The following LRRC8B variants were observed in gnomAD, a reference collection of about 807,000 sequenced individuals.
LRRC8B encodes leucine rich repeat containing 8 VRAC subunit B.
LRRC8B carries 23 observed loss-of-function variants against 58.8 expected under a neutral mutation model. That is an observed-to-expected ratio of 0.39 (90% CI 0.28 to 0.55). LRRC8B has a LOEUF of 0.55. Ranked by LOEUF, LRRC8B falls within the 20% of genes least tolerant of loss-of-function variation. LRRC8B has a pLI of 0.62. For synonymous variants in LRRC8B, 359 were observed against 374.1 expected (o/e 0.96, Z 0.47); for missense variants, 694 against 936.0 (o/e 0.74, Z 3.37).
At position 89,594,527 on chromosome 1, in the gene LRRC8B, T is replaced by C. The variant is rs186973271; in HGVS notation, c.*1484T>C. On this transcript the variant is annotated 3_prime_UTR_variant, in exon 6 of 6. Coordinates refer to ENST00000330947, the MANE Select transcript of LRRC8B (RefSeq NM_001369817.2). ...AAGAGTTAAAGCAAAAGACTTTTTTTCCCTCCATCTATGTAATCTCTAGCT... is the reference window on the plus strand; with the variant it reads ...AAGAGTTAAAGCAAAAGACTTTTTTCCCCTCCATCTATGTAATCTCTAGCT... 1.2e-3 allele frequency: 188 copies of C among 152,278 alleles called. No homozygotes were observed. The highest frequency in any genetic ancestry group is 4.1e-3 in the African/African-American group (170 of 41,564). The allele number at this position is 152,278 out of a possible 1,614,324, so 9.4% of individuals were successfully genotyped here. A position where few individuals can be genotyped will look rare whatever the true frequency, so the allele number is the denominator to read the frequency against.
At chr1:89,566,913 C>G (rs1454048180) in intron 1 of LRRC8B, among the ~76,000 whole-genome samples, 1 of 152,194 alleles carries the variant, frequency 6.6e-6, no homozygotes, top group East Asian at 1.9e-4. Context: ...CTCAGTGTTA[C>G]ACTTATCTCC....
At chr1:89,585,661 T>C (rs1036861353) in intron 5 of LRRC8B, among the ~76,000 whole-genome samples, 4 of 151,996 alleles carry the variant, frequency 2.6e-5, no homozygotes, top group Admixed American at 1.3e-4. Flanking sequence ...ATCCAAAAAT[T>C]AGCTGCGCGT....
intron 1 of LRRC8B, among the ~76,000 whole-genome samples, chr1:89,528,533 T>C (rs1342864932): frequency 1.3e-5 from 2 of 152,260 alleles, no homozygotes; most frequent in African/African-American, 4.8e-5. Context: ...TTCTGAACTC[T>C]GTGCCATCAC....
At chr1:89,536,901 C>A (rs1650578969) in intron 1 of LRRC8B, among the ~76,000 whole-genome samples, 1 of 152,100 alleles carries the variant, frequency 6.6e-6, no homozygotes, top group Non-Finnish European at 1.5e-5. Context: ...TATAGATATA[C>A]TTGAAGGTCT....
At chr1:89,532,721 T>C (rs1650231073) in intron 1 of LRRC8B, among the ~76,000 whole-genome samples, 1 of 152,230 alleles carries the variant, frequency 6.6e-6, no homozygotes, top group Non-Finnish European at 1.5e-5. Context: ...CTTGAGTATG[T>C]CTTCATTAGT....
intron 1 of LRRC8B, among the ~76,000 whole-genome samples, chr1:89,559,837 G>C (rs1351442739): frequency 2.0e-5 from 3 of 152,016 alleles, no homozygotes; most frequent in Non-Finnish European, 4.4e-5. Flanking sequence ...CCAATTTTTA[G>C]TCGCTTTTTC....
intron 3 of LRRC8B, among the ~76,000 whole-genome samples, chr1:89,569,148 C>T (rs1653246382): frequency 6.6e-6 from 1 of 152,140 alleles, no homozygotes; most frequent in Admixed American, 6.6e-5. Context: ...CAGCTCTGAA[C>T]ATATAGTCTA....
At chr1:89,564,637 T>A (rs940907050) in intron 1 of LRRC8B, among the ~76,000 whole-genome samples, 4 of 152,198 alleles carry the variant, frequency 2.6e-5, no homozygotes, top group African/African-American at 9.6e-5. Flanking sequence ...TTATTGAGAC[T>A]GTTAGTGTCA....
At chr1:89,545,686 C>T (rs1323154924) in intron 1 of LRRC8B, among the ~76,000 whole-genome samples, 1 of 152,158 alleles carries the variant, frequency 6.6e-6, no homozygotes, top group Non-Finnish European at 1.5e-5. Context: ...GAGAGGTTTC[C>T]TGCTTTCAAG....
In LRRC8B at chr1:89,584,157, C is replaced by A; in HGVS notation, c.1507C>A (p.Pro503Thr). ...RLKFTEMGKIPRWVFHLKNLK... is the reference protein window; with the variant it reads ...RLKFTEMGKITRWVFHLKNLK... ...GAAATTTACTGAAATGGGAAAAATC[C>A]CACGCTGGGTATTTCACCTCAAGAA... The change falls in exon 5 of 6, where the codon CCA becomes ACA. Residue 503 changes from proline to threonine, a missense_variant. This residue lies in a region of LRRC8B where 162 missense variants were observed against 198.5 expected (regional missense o/e 0.82). Transcript: ENST00000330947. 2 of 1,612,220 alleles carry A rather than the reference C, an allele frequency of 1.2e-6. No individual in the cohort carries two copies. The highest frequency in any genetic ancestry group is 1.7e-6 in the Non-Finnish European group (2 of 1,179,998).
chr1:89,526,289 A>G (rs1485333003), intron 1 of LRRC8B, among the ~76,000 whole-genome samples: 1 of 152,178 alleles, frequency 6.6e-6, no homozygotes, highest in Admixed American at 6.5e-5. Flanking sequence ...ATCTCGGCTC[A>G]CTGCAACCTC....
intron 1 of LRRC8B, among the ~76,000 whole-genome samples, chr1:89,554,797 G>C (rs1194778673): frequency 6.6e-6 from 1 of 152,144 alleles, no homozygotes; most frequent in Non-Finnish European, 1.5e-5. Flanking sequence ...GCATGGATGA[G>C]AGAGAAAAGA....
chr1:89,542,701 G>C (rs1292386578), intron 1 of LRRC8B, among the ~76,000 whole-genome samples: 1 of 152,190 alleles, frequency 6.6e-6, no homozygotes, highest in African/African-American at 2.4e-5. Context: ...ATCTGTAGTG[G>C]AGAAAATCTC....
intron 1 of LRRC8B, among the ~76,000 whole-genome samples, chr1:89,562,181 A>ACACACACACACACACACC (rs1553157003): frequency 1.3e-4 from 19 of 149,814 alleles, no homozygotes; most frequent in Admixed American, 8.7e-4. Flanking sequence ...ACACACACAC[A>ACACACACACACACACACC]CCCTCTGCAT....
chr1:89,573,225 G>A (rs998057819), intron 3 of LRRC8B, among the ~76,000 whole-genome samples: 4 of 151,814 alleles, frequency 2.6e-5, no homozygotes, highest in Non-Finnish European at 5.9e-5. Context: ...GTGTGAACCT[G>A]GGAGGCGGAG....
intron 5 of LRRC8B, among the ~76,000 whole-genome samples, chr1:89,590,650 G>GA (rs1654916847): frequency 6.6e-6 from 1 of 152,226 alleles, no homozygotes. Context: ...AGTGCTGATA[G>GA]CCAGACAAGA....
intron 1 of LRRC8B, among the ~76,000 whole-genome samples, chr1:89,547,159 A>G (rs927047042): frequency 6.6e-6 from 1 of 152,046 alleles, no homozygotes; most frequent in African/African-American, 2.4e-5. Flanking sequence ...TCAACTCCAC[A>G]TTCAGTGACA....
At chr1:89,563,169 TTA>T (rs894376293) in intron 1 of LRRC8B, among the ~76,000 whole-genome samples, 25 of 151,908 alleles carry the variant, frequency 1.6e-4, no homozygotes, top group African/African-American at 2.2e-4. Flanking sequence ...TTTTGTGGTT[TTA>T]TATATATATA....
At chr1:89,540,094 C>T (rs1650843829) in intron 1 of LRRC8B, among the ~76,000 whole-genome samples, 1 of 152,040 alleles carries the variant, frequency 6.6e-6, no homozygotes, top group Non-Finnish European at 1.5e-5. Context: ...TAATCAATTA[C>T]CTAAGATTAA....
Sources: gnomAD v4.1 joint callset for allele counts (sites outside exome capture counted in the v4.1 genomes callset) on GRCh38, gnomAD v4.1.1 for gene constraint, gnomAD v4.1.1 regional missense constraint, MANE v1.5 for transcripts, NCBI Gene and HGNC (gene_info 2026-07-23, HGNC 2026-07-21) for gene names.